Variants in CEP164 observed in about 807,000 individuals in gnomAD.
CEP164 encodes centrosomal protein 164.
CEP164 carries 162 observed loss-of-function variants against 182.7 expected under a neutral mutation model. The observed-to-expected ratio is 0.89, with a 90% CI of 0.78 to 1.01. The LOEUF is 1.01. Among genes scored for constraint, CEP164 ranks in the 50% least tolerant of loss-of-function variants. The probability of loss-of-function intolerance (pLI) is 0.00; values close to 1 mark genes in which losing one functional copy is unlikely to be tolerated. For synonymous variants in CEP164, 661 were observed against 690.0 expected, an observed-to-expected ratio of 0.96 and a Z score of 0.66; for missense variants, 1,735 against 1,790.4, an observed-to-expected ratio of 0.97 and a Z score of 0.56.
At chr11:117,354,912 A>G (rs2040140041) in intron 5 of CEP164, 1 of 1,247,920 alleles carries the variant, frequency 8.0e-7, no homozygotes, top group South Asian at 1.3e-5. Context: ...TTTTCTCTGC[A>G]TGTTTATATA....
intron 12 of CEP164, 86 bp downstream of exon 12, chr11:117,380,791 T>G: frequency 7.9e-7 from 1 of 1,272,502 alleles, no homozygotes; most frequent in Non-Finnish European, 1.1e-6. Flanking sequence ...GTGGCCGGCC[T>G]GGCTCAGTGT....
intron 4 of CEP164, among the ~76,000 whole-genome samples, chr11:117,351,335 T>G (rs1050877175): frequency 6.6e-6 from 1 of 152,222 alleles, no homozygotes; most frequent in African/African-American, 2.4e-5. Context: ...CTTATGAGTT[T>G]AGAGTCTTCT....
intron 4 of CEP164, among the ~76,000 whole-genome samples, chr11:117,348,927 A>G (rs903056452): frequency 2.0e-5 from 3 of 152,348 alleles, no homozygotes; most frequent in Admixed American, 6.5e-5. Context: ...TTCACTTAGC[A>G]TAACATCCTC....
rs564037677 is a variant in CEP164, at chr11:117,401,337, C to T, written c.3501+4024C>T. 8.7e-4 allele frequency among the ~76,000 whole-genome samples: 132 copies of T among 152,180 alleles called. 1 individual carries two copies. The highest frequency in any genetic ancestry group is 2.3e-3 in the East Asian group (12 of 5,192). ...CAGCCTTGCATCCCAGGGATGAAGC[C>T]GACTTGATTGTGGTGGATAAGCTTT... On this transcript the variant is annotated intron_variant, in intron 27 of 32. Coordinates refer to ENST00000278935, the MANE Select transcript of CEP164 (RefSeq NM_014956.5).
rs112531975 is a variant in CEP164 at position 117,378,268 on chromosome 11, C to T, written c.1318-2346C>T. Among the ~76,000 whole-genome samples, 1,210 of 152,316 alleles carry T rather than the reference C, an allele frequency of 7.9e-3. 16 individuals carry two copies. Among genetic ancestry groups the T allele is most frequent in the African/African-American group, 0.028 (1,164 of 41,556 alleles). ...TCAGCTTCCTGTAGCCTTACACAGGCAGGGACTATGGATAGTTCCCATTCA... is the reference window on the plus strand; with the variant it reads ...TCAGCTTCCTGTAGCCTTACACAGGTAGGGACTATGGATAGTTCCCATTCA... On this transcript the variant is annotated intron_variant, in intron 11 of 32. Coordinates refer to ENST00000278935, the MANE Select transcript of CEP164 (RefSeq NM_014956.5).
chr11:117,362,554 T>C lies in CEP164; in HGVS notation c.687+16T>C, dbSNP rs1306867200. The C allele has an allele frequency of 6.2e-7, 1 of 1,610,368 alleles. No homozygotes were observed. Among genetic ancestry groups the C allele is most frequent in the Admixed American group, 1.7e-5 (1 of 59,868 alleles). On this transcript the variant is annotated intron_variant, in intron 7 of 32. Transcript: ENST00000278935. ...TGACAACCAGGTAATGATGAAGTCC[T>C]CTCCCTGGCCTGGAAACCCTCTGTG...
intron 9 of CEP164, 141 bp downstream of exon 9, chr11:117,371,607 C>A (rs1280589623): frequency 9.7e-7 from 1 of 1,034,672 alleles, no homozygotes; most frequent in East Asian, 2.6e-5. Context: ...CTGTCAGCAT[C>A]AGCCAGAGCC....
intron 5 of CEP164, chr11:117,359,485 C>T: frequency 2.0e-6 from 2 of 985,398 alleles, no homozygotes; most frequent in African/African-American, 3.5e-5. Context: ...CCTTACTTTC[C>T]TGATGAGCAT....
chr11:117,396,208 TG>T, intron 25 of CEP164, 28 bp downstream of exon 25: 2 of 414,788 alleles, frequency 4.8e-6, no homozygotes, highest in Non-Finnish European at 9.6e-6. Flanking sequence ...GCCTGGGGGC[TG>T]GGGCACCAGG....
At chr11:117,323,692 A>G (rs1177246150), upstream of CEP164, among the ~76,000 whole-genome samples, 3 of 152,178 alleles carry the variant, frequency 2.0e-5, no homozygotes, top group Non-Finnish European at 4.4e-5. Flanking sequence ...TGGTGATTGT[A>G]CTAATTTACA....
chr11:117,399,436 A>G (rs769279952), intron 27 of CEP164, among the ~76,000 whole-genome samples: 1 of 152,216 alleles, frequency 6.6e-6, no homozygotes, highest in Non-Finnish European at 1.5e-5. Context: ...CAGTGCTGCA[A>G]TAAACATATG....
At chr11:117,332,581 AAAAG>A (rs1215223554) in intron 1 of CEP164, among the ~76,000 whole-genome samples, 3 of 152,320 alleles carry the variant, frequency 2.0e-5, no homozygotes, top group Admixed American at 6.5e-5. Context: ...CTCTGTCTCA[AAAAG>A]AAAGAAAGAA....
intron 10 of CEP164, 28 bp from the exon 11 acceptor site, chr11:117,375,680 T>C: frequency 6.2e-7 from 1 of 1,605,798 alleles, no homozygotes; most frequent in Non-Finnish European, 8.5e-7. Flanking sequence ...AGAGGCAGAG[T>C]TGACCTTTGC....
intron 11 of CEP164, among the ~76,000 whole-genome samples, chr11:117,378,603 G>C (rs1285366345): frequency 6.6e-6 from 1 of 152,180 alleles, no homozygotes; most frequent in Non-Finnish European, 1.5e-5. Flanking sequence ...GGTATTTTAG[G>C]CCAGAGGCTT....
chr11:117,402,167 A>C (rs1379228501), intron 27 of CEP164, among the ~76,000 whole-genome samples: 1 of 150,796 alleles, frequency 6.6e-6, no homozygotes, highest in East Asian at 1.9e-4. Flanking sequence ...ATTCTGGTAC[A>C]TTGTGTCTTT....
At position 117,336,431 on chromosome 11, in the gene CEP164, A is replaced by T; in HGVS notation, c.-22+751A>T. 2.2e-6 allele frequency: 3 copies of T among 1,389,548 alleles called. No individual in the cohort carries two copies. The African/African-American group carries it at 4.2e-5, about 20-fold the overall frequency. The allele number at this position is 1,389,548 out of a possible 1,614,324, so 86.1% of individuals were successfully genotyped here. On this transcript the variant is annotated intron_variant, in intron 2 of 32. Transcript: ENST00000278935. ...GGACCCGAGGATTGGCATCCTGGATACCCTGGCTGTGGTACAGGATGAGGG... is the reference window on the plus strand; with the variant it reads ...GGACCCGAGGATTGGCATCCTGGATTCCCTGGCTGTGGTACAGGATGAGGG...
rs1440644512 is a variant in CEP164, at chr11:117,394,621, C to T, written c.2760+128C>T. ...TTCTGGAGTGAGAGTCTCTCACTGGCCATCTCCAAGCTGGGGCATCCTTGT... is the reference window on the plus strand; with the variant it reads ...TTCTGGAGTGAGAGTCTCTCACTGGTCATCTCCAAGCTGGGGCATCCTTGT... On this transcript the variant is annotated intron_variant, in intron 21 of 32. Coordinates refer to ENST00000278935, the MANE Select transcript of CEP164 (RefSeq NM_014956.5). The surrounding 1 kb of genome is among the most constrained non-coding windows in gnomAD (Gnocchi z 4.0). 3.2e-6 allele frequency: 4 copies of T among 1,256,472 alleles called. No homozygotes were observed. Among genetic ancestry groups the T allele is most frequent in the Non-Finnish European group, 4.4e-6 (4 of 915,094 alleles). 77.8% of individuals were successfully genotyped at this position (1,256,472 alleles called of 1,614,324 possible). A position where few individuals can be genotyped will look rare whatever the true frequency, so the allele number is the denominator to read the frequency against.
intron 8 of CEP164, among the ~76,000 whole-genome samples, chr11:117,369,635 A>G (rs2042000763): frequency 6.6e-6 from 1 of 152,182 alleles, no homozygotes; most frequent in African/African-American, 2.4e-5. Context: ...TTGAGTCTTC[A>G]GAACAGGGAA....
At chr11:117,389,021 C>T (rs761552353) in intron 15 of CEP164, among the ~76,000 whole-genome samples, 7 of 151,996 alleles carry the variant, frequency 4.6e-5, no homozygotes, top group African/African-American at 1.5e-4. Flanking sequence ...CCGCCTGCCT[C>T]GGCCTCCCAA....
Sources: allele counts gnomAD v4.1 joint callset (sites outside exome capture counted in the v4.1 genomes callset), GRCh38; gene constraint gnomAD v4.1.1; non-coding constraint Gnocchi (gnomAD v3.1); transcripts MANE v1.5; gene names NCBI Gene and HGNC (gene_info 2026-07-23, HGNC 2026-07-21).